C8orf34: variants seen among roughly 807,000 people sequenced by gnomAD.
The protein encoded by C8orf34 is uncharacterized protein C8orf34.
A neutral mutation model predicts 68.3 loss-of-function variants in C8orf34; 65 were observed. The observed-to-expected ratio is 0.95, with a 90% CI of 0.78 to 1.17. The LOEUF (loss-of-function observed/expected upper bound fraction) is 1.17, where lower values mean the gene tolerates loss of function less well. C8orf34 is among the 50% of genes most tolerant of loss of function. The probability of loss-of-function intolerance (pLI) is 0.00; values close to 1 mark genes in which losing one functional copy is unlikely to be tolerated. For synonymous variants in C8orf34, 244 were observed against 241.2 expected, an observed-to-expected ratio of 1.01 and a Z score of -0.11; for missense variants, 664 against 655.4, an observed-to-expected ratio of 1.01 and a Z score of -0.14.
chr8:68,681,711 G>C (rs529496944), intron 8 of C8orf34, among the ~76,000 whole-genome samples: 1 of 152,294 alleles, frequency 6.6e-6, no homozygotes, highest in South Asian at 2.1e-4. Context: ...AGAGATATCT[G>C]CATTCTCATG....
chr8:68,576,469 AGGAAGCGCC>A (rs1239858066), intron 7 of C8orf34, among the ~76,000 whole-genome samples: 1 of 151,670 alleles, frequency 6.6e-6, no homozygotes, highest in East Asian at 1.9e-4. Flanking sequence ...CCTTTGCAGA[AGGAAGCGCC>A]AGTTCTTAGT....
At position 68,818,337 on chromosome 8, in the gene C8orf34, C is replaced by A; in HGVS notation, c.*91C>A. 1 of 1,348,766 alleles carries A rather than the reference C, an allele frequency of 7.4e-7. No individual in the cohort carries two copies. The highest frequency in any genetic ancestry group is 1.1e-6 in the Non-Finnish European group (1 of 951,066). 83.5% of individuals were successfully genotyped at this position (1,348,766 alleles called of 1,614,324 possible). ...TCTAATTTTATTTACTATGTGTAAT[C>A]ATTTAGAGAATGGTTATTTTTATAA... On this transcript the variant is annotated 3_prime_UTR_variant, in exon 14 of 14. Transcript: ENST00000518698.
chr8:68,717,128 C>G (rs1821496800), intron 9 of C8orf34, among the ~76,000 whole-genome samples: 2 of 151,990 alleles, frequency 1.3e-5, no homozygotes, highest in African/African-American at 4.8e-5. Context: ...TCTGGTATAG[C>G]AAGTTGCAGC....
intron 10 of C8orf34, among the ~76,000 whole-genome samples, chr8:68,729,302 A>C (rs1821916890): frequency 6.6e-6 from 1 of 152,236 alleles, no homozygotes; most frequent in Non-Finnish European, 1.5e-5. Context: ...GAATCCTCTT[A>C]TAATAAATCC....
intron 1 of C8orf34, among the ~76,000 whole-genome samples, chr8:68,361,051 G>A (rs538967966): frequency 9.9e-4 from 151 of 152,104 alleles, no homozygotes; most frequent in African/African-American, 3.3e-3. Flanking sequence ...CACCGCATCC[G>A]GCCTCCCCTT....
chr8:68,783,310 G>C (rs1048504770), intron 11 of C8orf34, among the ~76,000 whole-genome samples: 2 of 151,918 alleles, frequency 1.3e-5, no homozygotes, highest in Non-Finnish European at 2.9e-5. Context: ...ACGAGGTCAG[G>C]AGATCGAGAC....
intron 7 of C8orf34, among the ~76,000 whole-genome samples, chr8:68,578,854 C>G (rs370676137): frequency 1.3e-5 from 2 of 152,058 alleles, no homozygotes; most frequent in East Asian, 3.9e-4. Context: ...GAAAAGGAAA[C>G]AATACTATAT....
At chr8:68,591,570 T>G (rs1016524332) in intron 7 of C8orf34, among the ~76,000 whole-genome samples, 53 of 152,294 alleles carry the variant, frequency 3.5e-4, no homozygotes, top group African/African-American at 1.2e-3. Flanking sequence ...CAGGCTAATG[T>G]AACATACTTT....
chr8:68,348,852 G>A (rs1015475141), intron 1 of C8orf34, among the ~76,000 whole-genome samples: 1 of 151,908 alleles, frequency 6.6e-6, no homozygotes, highest in African/African-American at 2.4e-5. Flanking sequence ...TTTATCAGTT[G>A]AAGGAGCTTT....
At chr8:68,426,670 C>A (rs531007925) in intron 1 of C8orf34, among the ~76,000 whole-genome samples, 2 of 151,798 alleles carry the variant, frequency 1.3e-5, no homozygotes, top group Admixed American at 6.6e-5. Flanking sequence ...AAAAGCAATT[C>A]CAGCCTGACC....
chr8:68,769,281 A>G (rs1010408114), intron 10 of C8orf34, among the ~76,000 whole-genome samples: 2 of 151,854 alleles, frequency 1.3e-5, no homozygotes, highest in Admixed American at 1.3e-4. Context: ...ATTTTTTCTA[A>G]AGAAAAATCT....
chr8:68,637,024 C>A (rs1369362760), intron 7 of C8orf34, among the ~76,000 whole-genome samples: 2 of 152,122 alleles, frequency 1.3e-5, no homozygotes, highest in African/African-American at 4.8e-5. Flanking sequence ...AACCAAGTAG[C>A]CTTTTGTCAA....
intron 10 of C8orf34, among the ~76,000 whole-genome samples, chr8:68,740,794 G>A (rs939245948): frequency 6.6e-6 from 1 of 152,096 alleles, no homozygotes; most frequent in Non-Finnish European, 1.5e-5. Flanking sequence ...GTTCATTGCA[G>A]CAATATTTAC....
Position 68,818,425 on chromosome 8 carries a change from T to C in C8orf34, c.*179T>C, listed in dbSNP as rs1343308648. The C allele has an allele frequency of 3.1e-6, 2 of 646,928 alleles. No homozygotes were observed. Among genetic ancestry groups the C allele is most frequent in the East Asian group, 2.8e-5 (1 of 35,582 alleles). The allele number at this position is 646,928 out of a possible 1,614,324, so 40.1% of individuals were successfully genotyped here. On this transcript the variant is annotated 3_prime_UTR_variant, in exon 14 of 14. Coordinates refer to ENST00000518698, the MANE Select transcript of C8orf34 (RefSeq NM_052958.4). Reference sequence around the variant, plus strand: ...GCCCAAGTATGTAATCAGAGAACACTAATCCTGGCAAAGGATTGTGGGGTG... The same window carrying C: ...GCCCAAGTATGTAATCAGAGAACACCAATCCTGGCAAAGGATTGTGGGGTG...
intron 7 of C8orf34, among the ~76,000 whole-genome samples, chr8:68,614,466 A>AT (rs2130584901): frequency 6.6e-6 from 1 of 152,202 alleles, no homozygotes; most frequent in African/African-American, 2.4e-5. Flanking sequence ...TAATTTTTGT[A>AT]TAAGGTATAA....
chr8:68,346,472 T>C (rs1806289026), intron 1 of C8orf34, among the ~76,000 whole-genome samples: 1 of 152,084 alleles, frequency 6.6e-6, no homozygotes. Flanking sequence ...GTCTGTAGTT[T>C]ACAGTAGGGT....
rs149880478 is a variant in C8orf34, at chr8:68,627,410, G to T, written c.1106-12966G>T. On this transcript the variant is annotated intron_variant, in intron 7 of 13. Coordinates refer to ENST00000518698, the MANE Select transcript of C8orf34 (RefSeq NM_052958.4). ...AATTAAAGCTATTACTGGGCTTTCA[G>T]TTACACCAGGCAAGGCATAACCCTC... Among the ~76,000 whole-genome samples, 550 of 152,178 alleles carry T rather than the reference G, an allele frequency of 3.6e-3. 4 individuals carry two copies. Among genetic ancestry groups the T allele is most frequent in the African/African-American group, 0.013 (526 of 41,512 alleles).
intron 4 of C8orf34, among the ~76,000 whole-genome samples, chr8:68,475,529 C>T (rs950100884): frequency 6.6e-6 from 1 of 152,160 alleles, no homozygotes; most frequent in African/African-American, 2.4e-5. Flanking sequence ...CTTAAACAAG[C>T]CTTCTGCTTT....
chr8:68,552,857 G>A (rs1166982284), intron 7 of C8orf34, among the ~76,000 whole-genome samples: 2 of 151,532 alleles, frequency 1.3e-5, no homozygotes, highest in Non-Finnish European at 2.9e-5. Context: ...ATGGTATCTT[G>A]TATTAATATT....
Sources: gnomAD v4.1 joint callset for allele counts (sites outside exome capture counted in the v4.1 genomes callset) on GRCh38, gnomAD v4.1.1 for gene constraint, MANE v1.5 for transcripts, NCBI Gene and HGNC (gene_info 2026-07-23, HGNC 2026-07-21) for gene names.